RPS6KC1: variants seen among roughly 807,000 people sequenced by gnomAD.
RPS6KC1 encodes inactive ribosomal protein S6 kinase delta-1.
A neutral mutation model predicts 103.8 loss-of-function variants in RPS6KC1; 54 were observed. The observed-to-expected ratio is 0.52, with a 90% CI of 0.42 to 0.65. The LOEUF (loss-of-function observed/expected upper bound fraction) is 0.65, where lower values mean the gene tolerates loss of function less well. RPS6KC1 is among the 30% of genes least tolerant of loss of function. The pLI is 0.00. For missense variants in RPS6KC1, 1,151 were observed against 1,253.8 expected (o/e 0.92, Z 1.24); for synonymous variants, 439 against 438.7 (o/e 1.00, Z -0.01).
At chr1:213,319,585 T>C in the RPS6KC1 span, among the ~76,000 whole-genome samples, 1 of 152,202 alleles carries the variant, frequency 6.6e-6, no homozygotes, top group Admixed American at 6.5e-5. Context: ...ATTGCCAGAA[T>C]TTTGAAGAGA....
the RPS6KC1 span, among the ~76,000 whole-genome samples, chr1:213,697,643 G>A: frequency 6.6e-6 from 1 of 152,178 alleles, no homozygotes; most frequent in South Asian, 2.1e-4. Flanking sequence ...CTTGGATTCT[G>A]GGTGTAATCC....
chr1:213,246,311 A>G (rs1300661759), intron 12 of RPS6KC1, among the ~76,000 whole-genome samples: 1 of 152,190 alleles, frequency 6.6e-6, no homozygotes, highest in African/African-American at 2.4e-5. Context: ...AGGAAGAGAA[A>G]AGGCAAAAGA....
the RPS6KC1 span, among the ~76,000 whole-genome samples, chr1:213,574,769 C>T: frequency 6.6e-6 from 1 of 152,116 alleles, no homozygotes; most frequent in Admixed American, 6.5e-5. Context: ...AGAAATGGCC[C>T]AGCTTGATTT....
chr1:213,403,995 T>A, the RPS6KC1 span, among the ~76,000 whole-genome samples: 6 of 152,128 alleles, frequency 3.9e-5, no homozygotes, highest in Non-Finnish European at 8.8e-5. Context: ...AATTGGAGGC[T>A]GTCCTAGGAG....
chr1:213,451,074 G>A, the RPS6KC1 span, among the ~76,000 whole-genome samples: 251 of 152,196 alleles, frequency 1.6e-3, no homozygotes, highest in Non-Finnish European at 2.9e-3. Context: ...AGTTCACATC[G>A]AAAAGAGCAC....
At chr1:213,216,154 A>G (rs7412114) in intron 8 of RPS6KC1, among the ~76,000 whole-genome samples, 4,303 of 152,294 alleles carry the variant, frequency 0.028, 90 homozygotes, top group Middle Eastern at 0.088. Context: ...AGAGACACAC[A>G]TAGGCTCAAA....
At chr1:213,777,340 A>T in the RPS6KC1 span, among the ~76,000 whole-genome samples, 1 of 152,140 alleles carries the variant, frequency 6.6e-6, no homozygotes, top group Non-Finnish European at 1.5e-5. Flanking sequence ...CTTAGAAGCC[A>T]CTATAGGGTT....
chr1:213,177,388 G>T (rs544058175), intron 8 of RPS6KC1, among the ~76,000 whole-genome samples: 1 of 152,180 alleles, frequency 6.6e-6, no homozygotes, highest in Non-Finnish European at 1.5e-5. Flanking sequence ...GCACCTTAAT[G>T]TTCATTTTTA....
At chr1:213,531,579 G>A in the RPS6KC1 span, among the ~76,000 whole-genome samples, 1 of 152,188 alleles carries the variant, frequency 6.6e-6, no homozygotes, top group East Asian at 1.9e-4. Flanking sequence ...TGCCTGACTG[G>A]GAGCTAATCT....
chr1:213,129,739 A>G lies in RPS6KC1; in HGVS notation c.685A>G (p.Ser229Gly). ...GGAAAGTCGTAGCCTCTTTCCTGGC[A>G]GTTTAAAGCCGAAGCTTGGCAAGAG... Reference protein sequence around the residue: ...ERESRSLFPGSLKPKLGKRDY... With the variant: ...ERESRSLFPGGLKPKLGKRDY... Residue 229 changes from serine to glycine, a missense_variant, in exon 6 of 15, where the codon AGT (serine) becomes GGT (glycine). This residue lies in a region of RPS6KC1 where 959 missense variants were observed against 1,006.3 expected (regional missense o/e 0.95). Transcript: ENST00000366960. 1.2e-6 allele frequency: 2 copies of G among 1,614,136 alleles called. No homozygotes were observed. Among genetic ancestry groups the G allele is most frequent in the South Asian group, 2.2e-5 (2 of 91,084 alleles).
At chr1:213,243,274 TAATTA>T (rs1198141725) in intron 12 of RPS6KC1, among the ~76,000 whole-genome samples, 2 of 77,790 alleles carry the variant, frequency 2.6e-5, no homozygotes, top group Non-Finnish European at 5.2e-5. Flanking sequence ...TATTCCTGGC[TAATTA>T]AAAAAATTTT....
At chr1:213,321,311 G>T in the RPS6KC1 span, among the ~76,000 whole-genome samples, 2 of 152,074 alleles carry the variant, frequency 1.3e-5, no homozygotes, top group Non-Finnish European at 2.9e-5. Context: ...AATTCCCACC[G>T]TATATTTTGA....
chr1:213,343,069 A>C, the RPS6KC1 span, among the ~76,000 whole-genome samples: 3 of 152,100 alleles, frequency 2.0e-5, no homozygotes, highest in Non-Finnish European at 4.4e-5. Context: ...AATACAAGAC[A>C]ATATTGTATT....
the RPS6KC1 span, among the ~76,000 whole-genome samples, chr1:213,338,035 T>C: frequency 6.6e-6 from 1 of 152,118 alleles, no homozygotes; most frequent in South Asian, 2.1e-4. Flanking sequence ...TGTGGGACCA[T>C]TGGGAAGGTG....
At chr1:213,608,793 A>G in the RPS6KC1 span, among the ~76,000 whole-genome samples, 2 of 152,164 alleles carry the variant, frequency 1.3e-5, no homozygotes, top group Non-Finnish European at 2.9e-5. Context: ...TTGCTGTCTA[A>G]TTAATATTGT....
chr1:213,257,961 A>T (rs1459175716), intron 12 of RPS6KC1, among the ~76,000 whole-genome samples: 5 of 150,766 alleles, frequency 3.3e-5, no homozygotes, highest in Non-Finnish European at 5.9e-5. Context: ...ACACCACCAC[A>T]CCTGGCTAAT....
At chr1:213,314,010 G>A in the RPS6KC1 span, among the ~76,000 whole-genome samples, 8 of 152,088 alleles carry the variant, frequency 5.3e-5, no homozygotes, top group Non-Finnish European at 1.0e-4. Flanking sequence ...GAGGCTACGA[G>A]TTCACAATCG....
At chr1:213,125,336 CTG>C (rs1215062385) in intron 5 of RPS6KC1, among the ~76,000 whole-genome samples, 2 of 151,922 alleles carry the variant, frequency 1.3e-5, no homozygotes, top group African/African-American at 4.8e-5. Flanking sequence ...ATTTTAATAG[CTG>C]TATAATATTT....
intron 6 of RPS6KC1, among the ~76,000 whole-genome samples, chr1:213,143,367 C>T (rs2087310542): frequency 6.6e-6 from 1 of 151,456 alleles, no homozygotes; most frequent in East Asian, 1.9e-4. Context: ...TTCTTATTCA[C>T]TCATGTTAGC....
Sources: allele counts gnomAD v4.1 joint callset (sites outside exome capture counted in the v4.1 genomes callset), GRCh38; gene constraint gnomAD v4.1.1; regional missense constraint gnomAD v4.1.1; transcripts MANE v1.5; gene names NCBI Gene and HGNC (gene_info 2026-07-23, HGNC 2026-07-21).